POLQ: variants seen among roughly 807,000 people sequenced by gnomAD.
POLQ encodes epididymis secretory sperm binding protein.
Under a neutral mutation model 259.2 loss-of-function variants are expected in POLQ, and 233 were observed. That is an observed-to-expected ratio of 0.90 (90% CI 0.81 to 1.00). The LOEUF is 1.00. Ranked by LOEUF, POLQ falls within the 50% of genes least tolerant of loss-of-function variation. POLQ has a pLI of 0.00. For synonymous variants in POLQ, 1,025 were observed against 1,048.8 expected, an observed-to-expected ratio of 0.98 and a Z score of 0.44; for missense variants, 2,871 against 3,051.6, an observed-to-expected ratio of 0.94 and a Z score of 1.39.
Position 121,467,507 on chromosome 3 carries a change from C to T in POLQ, c.6967+12G>A. ...CAGCAATGAGAAGCTTCAAAGCTATCAGCCACCTTACCTGGGAAAGGCACA... is the reference window on the plus strand; with the variant it reads ...CAGCAATGAGAAGCTTCAAAGCTATTAGCCACCTTACCTGGGAAAGGCACA... On this transcript the variant is annotated intron_variant, in intron 24 of 29. Coordinates refer to ENST00000264233, the MANE Select transcript of POLQ (RefSeq NM_199420.4). 1 of 1,612,640 alleles carries T rather than the reference C, an allele frequency of 6.2e-7. No homozygotes were observed. Among genetic ancestry groups the T allele is most frequent in the Non-Finnish European group, 8.5e-7 (1 of 1,179,234 alleles).
Position 121,520,134 on chromosome 3 carries a change from T to A in POLQ, c.1256-51A>T, listed in dbSNP as rs535184229. ...TTATTGATATATAACGAAAATATTA[T>A]ACGTGTTCACTTACAAATGGATTTG... On this transcript the variant is annotated intron_variant, in intron 8 of 29. Transcript: ENST00000264233. The A allele has an allele frequency of 4.9e-6, 5 of 1,015,604 alleles. No individual in the cohort carries two copies. The African/African-American group carries it at 6.5e-5, about 13-fold the overall frequency. The allele number at this position is 1,015,604 out of a possible 1,614,324, so 62.9% of individuals were successfully genotyped here.
At position 121,542,120 on chromosome 3, in the gene POLQ, TGA is replaced by T. The variant is rs1292275158; in HGVS notation, c.344-643_344-642del. ...CACTGCACTCCAGCCTGGGCGACAG[TGA>T]GAGACTCCGTCTCAAAAAGGAAAAA... is the stretch of plus-strand genomic sequence containing the variant. On this transcript the variant is annotated intron_variant, in intron 2 of 29. Coordinates refer to ENST00000264233, the MANE Select transcript of POLQ (RefSeq NM_199420.4). Among the ~76,000 whole-genome samples, 4 of 142,160 alleles carry T rather than the reference TGA, an allele frequency of 2.8e-5. No individual in the cohort carries two copies. The Admixed American group carries it at 2.9e-4, about 10-fold the overall frequency. The allele number at this position is 142,160 out of a possible 152,430, so 93.3% of individuals were successfully genotyped here. A position where few individuals can be genotyped will look rare whatever the true frequency, so the allele number is the denominator to read the frequency against.
At chr3:121,465,407 T>A (rs2047827150) in intron 24 of POLQ, among the ~76,000 whole-genome samples, 1 of 152,172 alleles carries the variant, frequency 6.6e-6, no homozygotes, top group East Asian at 1.9e-4. Context: ...TACTTTTGAG[T>A]ATGTTTGAAA....
chr3:121,518,251 C>T (rs1449460393), intron 9 of POLQ, among the ~76,000 whole-genome samples: 1 of 152,170 alleles, frequency 6.6e-6, no homozygotes, highest in Non-Finnish European at 1.5e-5. Context: ...CTCCATAAGG[C>T]ACATCACAGC....
intron 7 of POLQ, among the ~76,000 whole-genome samples, chr3:121,525,151 C>A (rs995998761): frequency 5.9e-5 from 9 of 152,098 alleles, no homozygotes; most frequent in Admixed American, 1.3e-4. Context: ...ACCATCCTGG[C>A]TAACACGGTG....
chr3:121,494,078 A>G, intron 14 of POLQ: 1 of 670,576 alleles, frequency 1.5e-6, no homozygotes, highest in Non-Finnish European at 2.7e-6. Flanking sequence ...TCTTAAAAAC[A>G]TGTAAAGGTC....
At chr3:121,540,900 T>C (rs2048484733) in intron 3 of POLQ, among the ~76,000 whole-genome samples, 3 of 151,724 alleles carry the variant, frequency 2.0e-5, no homozygotes, top group African/African-American at 7.3e-5. Flanking sequence ...TTTTTAATTT[T>C]TTTTTTTTTG....
At chr3:121,539,214 G>T (rs1413933074) in intron 4 of POLQ, among the ~76,000 whole-genome samples, 1 of 152,116 alleles carries the variant, frequency 6.6e-6, no homozygotes, top group Non-Finnish European at 1.5e-5. Context: ...TCTACGTTTT[G>T]TAAAGTACAA....
Position 121,440,115 on chromosome 3 carries a change from C to G in POLQ, c.7266G>C (p.Gly2422=). 1 of 1,603,220 alleles carries G rather than the reference C, an allele frequency of 6.2e-7. No homozygotes were observed. Among genetic ancestry groups the G allele is most frequent in the Admixed American group, 1.7e-5 (1 of 59,774 alleles). ...YIDSFKSRYT[G]INQFMTETVK... ...CTGTCTCTGTCATGAATTGATTAAT[C>G]CCTACAAAGAAAATACAGAAATAAT... The change falls in exon 27 of 30, where the codon GGG becomes GGC. Residue 2422 remains glycine (G), a splice_region_variant and synonymous_variant. Transcript: ENST00000264233.
rs1399778140 is a variant in POLQ, at chr3:121,489,973, G to C, written c.2958C>G (p.Phe986Leu). The C allele has an allele frequency of 6.3e-7, 1 of 1,581,840 alleles. No homozygotes were observed. Residue 986 changes from phenylalanine (F) to leucine (L), a missense_variant, in exon 16 of 30, where the codon TTC becomes TTG. Transcript: ENST00000264233. ...GNQEHQTCSI[F>L]RARKRASLDI... ...CTAAAGAGGCCCGTTTTCTTGCTCTGAAAATGGAACATGTCTGATGTTCTT... is the reference window on the plus strand; with the variant it reads ...CTAAAGAGGCCCGTTTTCTTGCTCTCAAAATGGAACATGTCTGATGTTCTT...
Position 121,509,660 on chromosome 3 carries a change from A to C in POLQ, c.1860T>G (p.Ser620=). The change falls in exon 12 of 30, where the codon TCT becomes TCG. Residue 620 remains serine (S), a synonymous_variant. Coordinates refer to ENST00000264233, the MANE Select transcript of POLQ (RefSeq NM_199420.4). ...HPTHLGSATL[S]SSLSPADTLD... is the part of the protein sequence containing the mutation. ...AAGTATCAGCTGGAGAAAGTGAAGA[A>C]GAAAGAGTGGCCGAACCAAGATGTG... 2 of 1,614,038 alleles carry C rather than the reference A, an allele frequency of 1.2e-6. No individual in the cohort carries two copies. Among genetic ancestry groups the C allele is most frequent in the Non-Finnish European group, 1.7e-6 (2 of 1,179,908 alleles).
rs1227014346 is a variant in POLQ at position 121,498,613 on chromosome 3, A to G, written c.2017T>C (p.Trp673Arg). Residue 673 changes from tryptophan to arginine, a missense_variant, in exon 13 of 30, where the codon TGG becomes CGG. Trp to Arg is a moderately radical substitution (Grantham distance 101, BLOSUM62 -3). This residue lies in a region of POLQ where 783 missense variants were observed against 906.2 expected (regional missense o/e 0.86). Coordinates refer to ENST00000264233, the MANE Select transcript of POLQ (RefSeq NM_199420.4). ...TTCATTGAAGTTGGCAACTTCTCCC[A>G]TAAACAGAAAAATCGATACCAATCA... ...TIDWYRFFCL[W>R]EKLPTSMKRV... The G allele has an allele frequency of 6.2e-7, 1 of 1,613,932 alleles. No homozygotes were observed. The highest frequency in any genetic ancestry group is 1.3e-5 in the African/African-American group (1 of 74,944).
At chr3:121,435,322 G>C (rs548609539) in intron 28 of POLQ, among the ~76,000 whole-genome samples, 98 of 152,248 alleles carry the variant, frequency 6.4e-4, no homozygotes, top group Middle Eastern at 6.8e-3. Flanking sequence ...GGAAAACTCA[G>C]GGAAAATATT....
chr3:121,523,663 T>C (rs1281130296), intron 7 of POLQ, among the ~76,000 whole-genome samples: 2 of 151,998 alleles, frequency 1.3e-5, no homozygotes, highest in African/African-American at 4.8e-5. Flanking sequence ...TACAGTGAGC[T>C]GAGATCATGC....
At chr3:121,436,678 G>T (rs184378393) in intron 27 of POLQ, among the ~76,000 whole-genome samples, 1 of 152,058 alleles carries the variant, frequency 6.6e-6, no homozygotes, top group East Asian at 1.9e-4. Context: ...AGGGGGGTTG[G>T]AATGTCCTAA....
Position 121,489,510 on chromosome 3 carries a change from A to C in POLQ, c.3421T>G (p.Ser1141Ala). The change falls in exon 16 of 30, where the codon TCT becomes GCT. Residue 1141 changes from serine to alanine, a missense_variant. By Grantham distance (99) the Ser-to-Ala change is moderately conservative. Coordinates refer to ENST00000264233, the MANE Select transcript of POLQ (RefSeq NM_199420.4). ...TGACAAGTCACATTTTTACTCTGAG[A>C]TCCTGTGACAATATGCTCCACAAAA... ...DNFVEHIVTG[S>A]QSKNVTCQAT... 6.2e-7 allele frequency: 1 copy of C among 1,613,952 alleles called. No individual in the cohort carries two copies. Among genetic ancestry groups the C allele is most frequent in the Non-Finnish European group, 8.5e-7 (1 of 1,179,978 alleles).
At chr3:121,490,848 G>T (rs1386486458) in intron 15 of POLQ, among the ~76,000 whole-genome samples, 2 of 152,176 alleles carry the variant, frequency 1.3e-5, no homozygotes, top group African/African-American at 4.8e-5. Context: ...GAGGCAACGA[G>T]TTCGAGACCA....
In POLQ at chr3:121,488,635, C is replaced by T. The variant is rs148117258; in HGVS notation, c.4296G>A (p.Lys1432=). Residue 1432 remains lysine, a synonymous_variant, in exon 16 of 30, where the codon AAG becomes AAA. Transcript: ENST00000264233. ...GTGAATCAGTAACAGAAACTTCATTCTTTTTTAAAAAAAGACCATTTTCCT... is the reference window on the plus strand; with the variant it reads ...GTGAATCAGTAACAGAAACTTCATTTTTTTTTAAAAAAAGACCATTTTCCT... ...LLEENGLFLK[K]NEVSVTDSQL... is the part of the protein sequence containing the mutation. 2.1e-5 allele frequency: 34 copies of T among 1,600,994 alleles called. No individual in the cohort carries two copies. Among genetic ancestry groups the T allele is most frequent in the Non-Finnish European group, 2.5e-5 (30 of 1,176,796 alleles).
At chr3:121,480,041 C>T (rs556221100) in intron 19 of POLQ, among the ~76,000 whole-genome samples, 1 of 150,846 alleles carries the variant, frequency 6.6e-6, no homozygotes, top group Non-Finnish European at 1.5e-5. Flanking sequence ...AAACCAGAGA[C>T]GTAAAAAAGA....
Sources: gnomAD v4.1 joint callset for allele counts (sites outside exome capture counted in the v4.1 genomes callset) on GRCh38, gnomAD v4.1.1 for gene constraint, gnomAD v4.1.1 regional missense constraint, MANE v1.5 for transcripts, NCBI Gene and HGNC (gene_info 2026-07-23, HGNC 2026-07-21) for gene names.